Variants in ATG7 observed in about 807,000 individuals in gnomAD.
ATG7 encodes the protein ubiquitin-like modifier-activating enzyme ATG7.
In ATG7, 70 loss-of-function variants were observed where a neutral mutation model predicts 82.4. The ratio of observed to expected loss-of-function variants is 0.85; its 90% CI spans 0.70 to 1.04. ATG7 has a LOEUF of 1.04. Ranked by LOEUF, ATG7 falls within the 50% of genes least tolerant of loss-of-function variation. ATG7 has a pLI of 0.00. For synonymous variants in ATG7, 287 were observed against 313.0 expected, an observed-to-expected ratio of 0.92 and a Z score of 0.88; for missense variants, 792 against 864.3, an observed-to-expected ratio of 0.92 and a Z score of 1.05.
At position 11,417,808 on chromosome 3, in the gene ATG7, T is replaced by A. The variant is rs1414894739; in HGVS notation, c.1957-8996T>A. On this transcript the variant is annotated intron_variant, in intron 19 of 20. Transcript: ENST00000693202. ...AAATTATTATTATTATTATTTTATTTTATTTTATTTTTTTTTTTTTTGAGA... is the reference window on the plus strand; with the variant it reads ...AAATTATTATTATTATTATTTTATTATATTTTATTTTTTTTTTTTTTGAGA... Among the ~76,000 whole-genome samples the A allele has an allele frequency of 2.9e-3, 73 of 25,504 alleles. 1 individual carries two copies. Among genetic ancestry groups the A allele is most frequent in the South Asian group, 0.017 (13 of 754 alleles). The allele number at this position is 25,504 out of a possible 152,430, so 16.7% of individuals were successfully genotyped here.
intron 20 of ATG7, among the ~76,000 whole-genome samples, chr3:11,544,167 A>G (rs2071075429): frequency 6.6e-6 from 1 of 152,194 alleles, no homozygotes; most frequent in Non-Finnish European, 1.5e-5. Context: ...TCATTGTGAG[A>G]GTAGGCAGGG....
chr3:11,513,282 G>A (rs763832760), intron 20 of ATG7, among the ~76,000 whole-genome samples: 16 of 152,250 alleles, frequency 1.1e-4, no homozygotes, highest in African/African-American at 1.7e-4. Context: ...GAGACTGGGC[G>A]CCGTGGAGCA....
chr3:11,540,823 T>G (rs1237476544), intron 20 of ATG7, among the ~76,000 whole-genome samples: 1 of 151,446 alleles, frequency 6.6e-6, no homozygotes, highest in East Asian at 1.9e-4. Context: ...CTGCTTTTAG[T>G]GTCCTAAGAA....
chr3:11,273,761 C>G (rs1016004880), intron 1 of ATG7, among the ~76,000 whole-genome samples: 1 of 152,086 alleles, frequency 6.6e-6, no homozygotes, highest in Admixed American at 6.5e-5. Context: ...ATGGCACCTT[C>G]TAATAATAGT....
intron 9 of ATG7, among the ~76,000 whole-genome samples, chr3:11,321,920 C>T (rs1016188107): frequency 1.3e-5 from 2 of 152,126 alleles, no homozygotes; most frequent in Non-Finnish European, 2.9e-5. Context: ...TTTAAGGTCC[C>T]GAGTCACACA....
At chr3:11,484,395 A>C (rs1427761695) in intron 20 of ATG7, among the ~76,000 whole-genome samples, 1 of 151,614 alleles carries the variant, frequency 6.6e-6, no homozygotes, top group Middle Eastern at 3.2e-3. Flanking sequence ...CGTCTCAAAA[A>C]ATGAAAAAAC....
intron 5 of ATG7, among the ~76,000 whole-genome samples, chr3:11,303,496 C>T (rs1227063056): frequency 6.6e-6 from 1 of 151,480 alleles, no homozygotes; most frequent in African/African-American, 2.4e-5. Context: ...GGTGAAACCC[C>T]GTCTCTACTA....
chr3:11,517,117 A>G (rs536736745), intron 20 of ATG7, among the ~76,000 whole-genome samples: 3 of 152,226 alleles, frequency 2.0e-5, no homozygotes, highest in South Asian at 4.1e-4. Flanking sequence ...AAAGAAGCCA[A>G]TCTGAAAAAG....
At chr3:11,464,016 G>T (rs1363205082) in intron 20 of ATG7, among the ~76,000 whole-genome samples, 1 of 152,222 alleles carries the variant, frequency 6.6e-6, no homozygotes, top group Non-Finnish European at 1.5e-5. Context: ...ATCAGGAAGA[G>T]GAATGATTAA....
intron 18 of ATG7, among the ~76,000 whole-genome samples, chr3:11,375,347 T>C (rs1410760682): frequency 6.6e-6 from 1 of 152,224 alleles, no homozygotes; most frequent in East Asian, 1.9e-4. Flanking sequence ...GGCAAATGAT[T>C]TAAATAGACA....
At chr3:11,358,263 A>G (rs1382469828) in intron 14 of ATG7, among the ~76,000 whole-genome samples, 155 bp from the exon 15 acceptor site, 1 of 152,122 alleles carries the variant, frequency 6.6e-6, no homozygotes, top group East Asian at 1.9e-4. Flanking sequence ...GAGGTGAAGA[A>G]GAGAGAGGGC....
Position 11,298,216 on chromosome 3 carries a change from G to C in ATG7, c.-10-470G>C, listed in dbSNP as rs1946253608. Among the ~76,000 whole-genome samples the C allele has an allele frequency of 1.3e-5, 2 of 151,978 alleles. 1 individual carries two copies. The highest frequency in any genetic ancestry group is 4.1e-4 in the South Asian group (2 of 4,824). ...AATCACTGTGTCATGAGGAGAATCA[G>C]CTTGACAACACAGGCCAATTAGGAT... On this transcript the variant is annotated intron_variant, in intron 3 of 20. Transcript: ENST00000693202.
At position 11,557,586 on chromosome 3, in the gene ATG7, C is replaced by T. The variant is rs993278182; in HGVS notation, c.*2743C>T. The T allele has an allele frequency of 6.6e-6, 1 of 152,594 alleles. No homozygotes were observed. Among genetic ancestry groups the T allele is most frequent in the Non-Finnish European group, 1.5e-5 (1 of 68,038 alleles). 9.5% of individuals were successfully genotyped at this position (152,594 alleles called of 1,614,324 possible). ...TTGTGAGTAAAGTGAATATCAAATA[C>T]CAATCTTAGAGTACAACTGTACCAG... On this transcript the variant is annotated 3_prime_UTR_variant, in exon 21 of 21. Coordinates refer to ENST00000693202, the MANE Select transcript of ATG7 (RefSeq NM_001349232.2).
At chr3:11,559,500 C>T, downstream of ATG7, 1 of 1,502,126 alleles carries the variant, frequency 6.7e-7, no homozygotes, top group Non-Finnish European at 8.9e-7. Flanking sequence ...AGCTTCAGTA[C>T]CGGGCACCAC....
intron 19 of ATG7, among the ~76,000 whole-genome samples, chr3:11,419,728 A>G (rs1464776139): frequency 6.6e-6 from 1 of 152,196 alleles, no homozygotes; most frequent in Admixed American, 6.5e-5. Context: ...GATAGGTTTG[A>G]TATAGTAAAG....
intron 9 of ATG7, among the ~76,000 whole-genome samples, chr3:11,326,256 C>T (rs962425369): frequency 6.6e-6 from 1 of 151,236 alleles, no homozygotes; most frequent in Non-Finnish European, 1.5e-5. Context: ...CCTTCTCCCC[C>T]TTTTTACACT....
intron 20 of ATG7, among the ~76,000 whole-genome samples, chr3:11,470,037 T>C (rs1029758783): frequency 2.8e-5 from 4 of 144,046 alleles, no homozygotes; most frequent in Admixed American, 1.4e-4. Flanking sequence ...TACTGGGCTG[T>C]GCGTGCTTCA....
chr3:11,339,573 G>T (rs893235467), intron 11 of ATG7, among the ~76,000 whole-genome samples: 9 of 152,096 alleles, frequency 5.9e-5, no homozygotes, highest in Admixed American at 4.6e-4. Flanking sequence ...CAAGAGAGTG[G>T]GATCCACTAG....
In ATG7 at chr3:11,340,738, A is replaced by G. The variant is rs746581102; in HGVS notation, c.980+3A>G. ...AGTGAATGTATGGACCCTAAAAGGT[A>G]TATTTGGGAAGCTGTTTTCTCCAGT... On this transcript the variant is annotated splice_donor_region_variant and intron_variant, in intron 12 of 20. Transcript: ENST00000693202. The G allele has an allele frequency of 6.8e-6, 11 of 1,612,062 alleles. No individual in the cohort carries two copies. The highest frequency in any genetic ancestry group is 1.6e-4 in the Middle Eastern group (1 of 6,076).
Sources: gnomAD v4.1 joint callset for allele counts (sites outside exome capture counted in the v4.1 genomes callset) on GRCh38, gnomAD v4.1.1 for gene constraint, MANE v1.5 for transcripts, NCBI Gene and HGNC (gene_info 2026-07-23, HGNC 2026-07-21) for gene names.